Variants in SRM observed in about 807,000 individuals in gnomAD.
The protein encoded by SRM is putrescine aminopropyltransferase.
Under a neutral mutation model 39.3 loss-of-function variants are expected in SRM, and 14 were observed. The observed-to-expected ratio is 0.36, with a 90% CI of 0.24 to 0.56. SRM has a LOEUF of 0.56. Ranked by LOEUF, SRM falls within the 20% of genes least tolerant of loss-of-function variation. SRM has a pLI of 0.86. For synonymous variants in SRM, 195 were observed against 173.1 expected (o/e 1.13, Z -0.99); for missense variants, 244 against 409.2 (o/e 0.60, Z 3.48).
chr1:11,058,422 A>G (rs993700391), intron 3 of SRM, among the ~76,000 whole-genome samples: 2 of 151,862 alleles, frequency 1.3e-5, no homozygotes, highest in Non-Finnish European at 2.9e-5. Context: ...TTAGCCGGGC[A>G]TGGTAGCGCA....
At chr1:11,058,518 A>T (rs950011784) in intron 3 of SRM, among the ~76,000 whole-genome samples, 8 of 147,772 alleles carry the variant, frequency 5.4e-5, no homozygotes, top group Non-Finnish European at 1.2e-4. Context: ...CCGAGATCGC[A>T]CCATCACACT....
chr1:11,057,670 C>T (rs1289941157), intron 3 of SRM, among the ~76,000 whole-genome samples: 1 of 151,396 alleles, frequency 6.6e-6, no homozygotes, highest in African/African-American at 2.4e-5. Context: ...AACGCCACCT[C>T]CTGGAGGCCT....
At chr1:11,059,667 C>A in intron 1 of SRM, 110 bp downstream of exon 1, 17 of 1,293,456 alleles carry the variant, frequency 1.3e-5, no homozygotes, top group Non-Finnish European at 1.7e-5. Flanking sequence ...GGGGCCAGGG[C>A]AGGACGAGGT....
chr1:11,057,582 T>C (rs1638902853), intron 3 of SRM, among the ~76,000 whole-genome samples: 1 of 150,168 alleles, frequency 6.7e-6, no homozygotes, highest in Admixed American at 6.7e-5. Flanking sequence ...TTTAGAAGGA[T>C]GCAATTCCAA....
chr1:11,056,030 A>G lies in SRM; in HGVS notation c.600T>C (p.Asp200=). 6.3e-7 allele frequency: 1 copy of G among 1,596,120 alleles called. No homozygotes were observed. Among genetic ancestry groups the G allele is most frequent in the Non-Finnish European group, 8.5e-7 (1 of 1,169,934 alleles). ...GCTCACCCTGGCAGCAGAGGACACCATCTTCCTTGAGGGCTGTCTTCATGA... is the reference window on the plus strand; with the variant it reads ...GCTCACCCTGGCAGCAGAGGACACCGTCTTCCTTGAGGGCTGTCTTCATGA... The part of the protein sequence containing the change: ...YQLMKTALKE[D]GVLCCQGECQ... Residue 200 remains aspartate (D), a synonymous_variant, in exon 5 of 8, where the codon GAT becomes GAC. Transcript: ENST00000376957.
At chr1:11,055,113 G>C (rs751464917) in intron 6 of SRM, 29 bp from the exon 7 acceptor site, 2 of 1,555,808 alleles carry the variant, frequency 1.3e-6, no homozygotes, top group Non-Finnish European at 1.7e-6. Context: ...GCACATCAGG[G>C]GGGGCACTTT....
intron 2 of SRM, 31 bp from the exon 3 acceptor site, chr1:11,058,923 C>A (rs1393823383): frequency 1.2e-5 from 19 of 1,573,616 alleles, no homozygotes; most frequent in Non-Finnish European, 1.6e-5. Context: ...AGGCAGGGGC[C>A]CTGGCAGGAC....
At position 11,055,879 on chromosome 1, in the gene SRM, A is replaced by C; in HGVS notation, c.667T>G (p.Phe223Val). ...ACCACGGGGAACAGGGACTGGCAGAACTGCCGCATCTCCTTGATGAGGTCC... is the reference window on the plus strand; with the variant it reads ...ACCACGGGGAACAGGGACTGGCAGACCTGCCGCATCTCCTTGATGAGGTCC... ...HLDLIKEMRQ[F>V]CQSLFPVVAY... Residue 223 changes from phenylalanine to valine, a missense_variant, in exon 6 of 8, where the codon TTC becomes GTC. Coordinates refer to ENST00000376957, the MANE Select transcript of SRM (RefSeq NM_003132.3). The C allele has an allele frequency of 1.2e-6, 2 of 1,611,496 alleles. No homozygotes were observed. The highest frequency in any genetic ancestry group is 1.1e-5 in the South Asian group (1 of 90,994).
intron 2 of SRM, 89 bp downstream of exon 2, chr1:11,059,136 G>A: frequency 5.7e-6 from 9 of 1,591,480 alleles, no homozygotes; most frequent in Non-Finnish European, 7.7e-6. Flanking sequence ...CACTTTCTCT[G>A]ACAACCATGC....
intron 6 of SRM, 37 bp downstream of exon 6, chr1:11,055,744 T>TGCC: frequency 7.5e-7 from 1 of 1,336,816 alleles, no homozygotes; most frequent in Non-Finnish European, 1.0e-6. Context: ...ATGCCCACCT[T>TGCC]CCCCCCAACC....
rs761038216 is a variant in SRM at position 11,056,105 on chromosome 1, CAG to C, written c.536-13_536-12del. 3.8e-6 allele frequency: 6 copies of C among 1,599,906 alleles called. No individual in the cohort carries two copies. Among genetic ancestry groups the C allele is most frequent in the Non-Finnish European group, 5.1e-6 (6 of 1,173,008 alleles). ...GACTTTCGGCGGGGCCTGGGGAAGA[CAG>C]AGGGAGACACACTGAACAGTCTGGC... On this transcript the variant is annotated splice_polypyrimidine_tract_variant and intron_variant, in intron 4 of 7. Transcript: ENST00000376957.
intron 4 of SRM, 111 bp downstream of exon 4, chr1:11,056,493 C>T: frequency 7.5e-7 from 1 of 1,336,058 alleles, no homozygotes; most frequent in Non-Finnish European, 1.0e-6. Flanking sequence ...AAAAGTACAG[C>T]TCTAGTTCGG....
intron 6 of SRM, 96 bp from the exon 7 acceptor site, chr1:11,055,180 T>C: frequency 6.9e-7 from 1 of 1,445,876 alleles, no homozygotes; most frequent in Non-Finnish European, 9.1e-7. Flanking sequence ...TGCAGTGGCG[T>C]CATCTCAGCT....
rs146632472 is a variant in SRM at position 11,054,977 on chromosome 1, G to A, written c.873C>T (p.Pro291=). ...GGCCACCCACCTTGCGGGCAAACTC[G>A]GGCAGCACAAAGGCGGCGCGGTGCA... ...SDVHRAAFVL[P]EFARKALNDV... Residue 291 remains proline, a synonymous_variant, in exon 7 of 8, where the codon CCC becomes CCT. Coordinates refer to ENST00000376957, the MANE Select transcript of SRM (RefSeq NM_003132.3). The surrounding 1 kb of genome is among the most constrained non-coding windows in gnomAD (Gnocchi z 4.8). 171 of 1,612,460 alleles carry A rather than the reference G, an allele frequency of 1.1e-4. 1 individual carries two copies. In the South Asian group the frequency reaches 1.1e-3, roughly 11 times the overall value.
chr1:11,056,502 G>A (rs1055331656), intron 4 of SRM, 102 bp downstream of exon 4: 11 of 1,391,992 alleles, frequency 7.9e-6, no homozygotes, highest in African/African-American at 1.4e-5. Flanking sequence ...GCTCTAGTTC[G>A]GGGGGTGGGA....
intron 2 of SRM, 35 bp from the exon 3 acceptor site, chr1:11,058,927 G>GC (rs764131700): frequency 6.4e-7 from 1 of 1,564,248 alleles, no homozygotes; most frequent in Non-Finnish European, 8.7e-7. Flanking sequence ...AGGGGCCCTG[G>GC]CAGGACTGGG....
chr1:11,059,101 C>T, intron 2 of SRM, 124 bp downstream of exon 2: 7 of 1,533,324 alleles, frequency 4.6e-6, no homozygotes, highest in Admixed American at 1.8e-5. Context: ...CCCACCCCTC[C>T]GCGGGACGCC....
intron 3 of SRM, among the ~76,000 whole-genome samples, chr1:11,057,540 T>C (rs987685394): frequency 6.8e-6 from 1 of 147,572 alleles, no homozygotes; most frequent in Non-Finnish European, 1.5e-5. Flanking sequence ...AGATTACAGG[T>C]GTGAGCCACC....
At chr1:11,058,951 CT>C in intron 2 of SRM, 59 bp from the exon 3 acceptor site, 1 of 1,487,388 alleles carries the variant, frequency 6.7e-7, no homozygotes, top group Non-Finnish European at 9.1e-7. Flanking sequence ...CCCCAGGCCC[CT>C]GAAGCAGACC....
Sources: gnomAD v4.1 joint callset for allele counts (sites outside exome capture counted in the v4.1 genomes callset) on GRCh38, gnomAD v4.1.1 for gene constraint, Gnocchi (gnomAD v3.1) non-coding constraint, MANE v1.5 for transcripts, NCBI Gene and HGNC (gene_info 2026-07-23, HGNC 2026-07-21) for gene names.